The following ANO3 variants were observed in gnomAD, a reference collection of about 807,000 sequenced individuals.
The protein encoded by ANO3 is anoctamin 3.
In ANO3, 99 loss-of-function variants were observed where a neutral mutation model predicts 144.8. The observed-to-expected ratio is 0.68, with a 90% CI of 0.58 to 0.81. ANO3 has a LOEUF of 0.81. Ranked by LOEUF, ANO3 falls within the 30% of genes least tolerant of loss-of-function variation. The pLI, the probability that ANO3 is intolerant of heterozygous loss-of-function variation, is 0.00. For synonymous variants in ANO3, 414 were observed against 392.6 expected (o/e 1.05, Z -0.64); for missense variants, 905 against 1,202.2 (o/e 0.75, Z 3.66).
In ANO3 at chr11:26,346,664, G is replaced by A. The variant is rs187424862; in HGVS notation, c.46+14343G>A. Among the ~76,000 whole-genome samples the A allele has an allele frequency of 4.6e-5, 7 of 152,234 alleles. No individual in the cohort carries two copies. The East Asian group carries it at 1.2e-3, about 25-fold the overall frequency. On this transcript the variant is annotated intron_variant, in intron 1 of 26. Transcript: ENST00000256737. Reference sequence around the variant, plus strand: ...ACTTACCCAAAGCCCAGTGCTTTTGGGTTTCTGCAAATACTTATCGAATGC... The same window carrying A: ...ACTTACCCAAAGCCCAGTGCTTTTGAGTTTCTGCAAATACTTATCGAATGC...
intron 1 of ANO3, among the ~76,000 whole-genome samples, chr11:26,291,433 G>C (rs945821640): frequency 6.6e-6 from 1 of 152,146 alleles, no homozygotes; most frequent in Non-Finnish European, 1.5e-5. Flanking sequence ...TGTTATGTGT[G>C]AATTAGATCC....
intron 17 of ANO3, among the ~76,000 whole-genome samples, chr11:26,608,268 A>C (rs10835013): frequency 0.29 from 43,924 of 151,878 alleles, 6,707 homozygotes; most frequent in South Asian, 0.46. Context: ...ATGCCTGTAG[A>C]TGTCACACAA....
At chr11:26,645,586 A>T (rs1318742666) in intron 23 of ANO3, among the ~76,000 whole-genome samples, 3 of 152,180 alleles carry the variant, frequency 2.0e-5, no homozygotes, top group Non-Finnish European at 4.4e-5. Flanking sequence ...ATGCAATTTG[A>T]GTTCCCATAT....
At chr11:26,297,181 T>TTG (rs200208606) in intron 1 of ANO3, among the ~76,000 whole-genome samples, 1,979 of 142,296 alleles carry the variant, frequency 0.014, 42 homozygotes, top group African/African-American at 0.053. Flanking sequence ...GCATCAACCA[T>TTG]TGCGTGTGTG....
intron 5 of ANO3, among the ~76,000 whole-genome samples, chr11:26,515,299 T>A (rs1242417623): frequency 6.6e-6 from 1 of 151,244 alleles, no homozygotes; most frequent in African/African-American, 2.4e-5. Context: ...CAATCCTTGA[T>A]CCAGAAGTTT....
intron 2 of ANO3, among the ~76,000 whole-genome samples, chr11:26,442,773 G>A (rs943845660): frequency 7.2e-5 from 11 of 152,012 alleles, no homozygotes; most frequent in African/African-American, 2.4e-4. Context: ...TGTTTTTCTT[G>A]TTCTTTTTTT....
At chr11:26,274,258 A>G (rs2133838820) in intron 1 of ANO3, among the ~76,000 whole-genome samples, 1 of 152,336 alleles carries the variant, frequency 6.6e-6, no homozygotes, top group South Asian at 2.1e-4. Context: ...TTACCAATAT[A>G]CAAATAATAT....
intron 1 of ANO3, among the ~76,000 whole-genome samples, chr11:26,371,360 G>T (rs1470951014): frequency 6.6e-6 from 1 of 152,232 alleles, no homozygotes; most frequent in Non-Finnish European, 1.5e-5. Context: ...GGACATGCCT[G>T]GATGTCCAGG....
At chr11:26,647,903 A>T in intron 24 of ANO3, 47 bp downstream of exon 24, 1 of 1,551,420 alleles carries the variant, frequency 6.4e-7, no homozygotes, top group African/African-American at 1.4e-5. Context: ...TACATTTGTA[A>T]TTAAAATAGG....
intron 26 of ANO3, 27 bp downstream of exon 26, chr11:26,656,508 A>G (rs770562809): frequency 1.5e-6 from 2 of 1,365,156 alleles, no homozygotes; most frequent in East Asian, 2.3e-5. Flanking sequence ...GATGAAAATT[A>G]CTATAGATAA....
At position 26,546,157 on chromosome 11, in the gene ANO3, G is replaced by A. The variant is rs1027225112; in HGVS notation, c.1155-1259G>A. Among the ~76,000 whole-genome samples the A allele has an allele frequency of 2.6e-5, 4 of 151,626 alleles. No homozygotes were observed. The East Asian group carries it at 5.8e-4, about 22-fold the overall frequency. On this transcript the variant is annotated intron_variant, in intron 11 of 26. Coordinates refer to ENST00000256737, the MANE Select transcript of ANO3 (RefSeq NM_031418.4). ...TGCTCCACCCCACAGAGGAACACTT[G>A]TTCAAACAAACAAATGTTTTTTTTT...
At chr11:26,491,356 C>T (rs555275677) in intron 4 of ANO3, among the ~76,000 whole-genome samples, 162 of 152,306 alleles carry the variant, frequency 1.1e-3, no homozygotes, top group Middle Eastern at 3.4e-3. Context: ...ACCACATAAA[C>T]AGTTGTAACA....
intron 14 of ANO3, chr11:26,565,871 T>G: frequency 3.2e-6 from 5 of 1,580,654 alleles, no homozygotes; most frequent in Non-Finnish European, 4.3e-6. Flanking sequence ...TAGGCTTCTT[T>G]GGTATTGGTT....
At chr11:26,315,708 T>C (rs1001047119) in intron 1 of ANO3, among the ~76,000 whole-genome samples, 20 of 151,666 alleles carry the variant, frequency 1.3e-4, no homozygotes, top group Non-Finnish European at 2.5e-4. Context: ...TATCTATCTA[T>C]CTACCTACCT....
At chr11:26,279,554 A>T (rs56676828) in intron 1 of ANO3, among the ~76,000 whole-genome samples, 5,301 of 152,294 alleles carry the variant, frequency 0.035, 181 homozygotes, top group African/African-American at 0.089. Flanking sequence ...TGCAAAGAAG[A>T]GTACAAATAG....
intron 11 of ANO3, among the ~76,000 whole-genome samples, chr11:26,543,254 C>T (rs1849690866): frequency 6.6e-6 from 1 of 151,996 alleles, no homozygotes; most frequent in South Asian, 2.1e-4. Context: ...GTAATAAACC[C>T]CATCTGTTTT....
intron 1 of ANO3, among the ~76,000 whole-genome samples, chr11:26,220,191 G>T (rs1490180374): frequency 1.3e-5 from 2 of 152,176 alleles, no homozygotes; most frequent in East Asian, 3.9e-4. Flanking sequence ...AAATCTGGAG[G>T]TAAAGATTGG....
chr11:26,537,412 G>T lies in ANO3; in HGVS notation c.983G>T (p.Arg328Leu), dbSNP rs766239304. Residue 328 changes from arginine (R) to leucine (L), a missense_variant, in exon 10 of 27, where the codon CGT (arginine) becomes CTT (leucine). Coordinates refer to ENST00000256737, the MANE Select transcript of ANO3 (RefSeq NM_031418.4). ...CCTTTTCTTCTCTTTGCAGGTATCC[G>T]TAAACTTATAAACAATGGCTCATAC... is the stretch of plus-strand genomic sequence containing the variant. ...YENGISKVGI[R>L]KLINNGSYIA... The T allele has an allele frequency of 5.0e-6, 8 of 1,612,624 alleles. No homozygotes were observed. In the East Asian group the frequency reaches 1.6e-4, roughly 31 times the overall value.
At chr11:26,319,344 C>T (rs528070556) in intron 1 of ANO3, among the ~76,000 whole-genome samples, 90 of 152,154 alleles carry the variant, frequency 5.9e-4, no homozygotes, top group Admixed American at 9.2e-4. Context: ...CTTCCATCCT[C>T]CCATCTTAAC....
Sources: gnomAD v4.1 joint callset for allele counts (sites outside exome capture counted in the v4.1 genomes callset) on GRCh38, gnomAD v4.1.1 for gene constraint, MANE v1.5 for transcripts, NCBI Gene and HGNC (gene_info 2026-07-23, HGNC 2026-07-21) for gene names.